EPHB1: variants seen among roughly 807,000 people sequenced by gnomAD.
EPHB1 encodes the protein ephrin type-B receptor 1.
Under a neutral mutation model 94.4 loss-of-function variants are expected in EPHB1, and 30 were observed. The observed-to-expected ratio is 0.32, with a 90% CI of 0.24 to 0.43. EPHB1 has a LOEUF of 0.43. Among genes scored for constraint, EPHB1 ranks in the 20% least tolerant of loss-of-function variants. EPHB1 has a pLI of 1.00. For missense variants in EPHB1, 1,055 were observed against 1,308.3 expected, an observed-to-expected ratio of 0.81 and a Z score of 2.99; for synonymous variants, 522 against 489.1, an observed-to-expected ratio of 1.07 and a Z score of -0.89.
At chr3:135,111,595 A>G (rs1301459451) in intron 4 of EPHB1, among the ~76,000 whole-genome samples, 1 of 152,144 alleles carries the variant, frequency 6.6e-6, no homozygotes, top group Non-Finnish European at 1.5e-5. Flanking sequence ...GTACGAGCGC[A>G]TCTGTGTTTA....
In EPHB1 at chr3:135,106,657, A is replaced by G. The variant is rs370826093; in HGVS notation, c.961+54A>G. 2.6e-5 allele frequency: 41 copies of G among 1,604,326 alleles called. No homozygotes were observed. The highest frequency in any genetic ancestry group is 4.5e-5 in the East Asian group (2 of 44,600). ...GGGAGTTTGGTTCCCTGATGGTGCA[A>G]GTGGTGGGTCTGGGGCAAGGAAGAG... On this transcript the variant is annotated intron_variant, in intron 4 of 15. Coordinates refer to ENST00000398015, the MANE Select transcript of EPHB1 (RefSeq NM_004441.5).
intron 5 of EPHB1, among the ~76,000 whole-genome samples, chr3:135,134,130 A>T (rs2107687984): frequency 6.6e-6 from 1 of 152,366 alleles, no homozygotes; most frequent in South Asian, 2.1e-4. Context: ...AGTGAACATC[A>T]CATGCACAGG....
In EPHB1 at chr3:134,951,218, C is replaced by T. The variant is rs1933015453; in HGVS notation, c.124-153C>T. Among the ~76,000 whole-genome samples, 1 of 152,190 alleles carries T rather than the reference C, an allele frequency of 6.6e-6. No individual in the cohort carries two copies. The highest frequency in any genetic ancestry group is 2.1e-4 in the South Asian group (1 of 4,828). ...ATAAGATCTTTAAAATCAAGTTGCG[C>T]TTAGATGTGTTCATTTCTCAAGTCA... On this transcript the variant is annotated intron_variant, in intron 2 of 15. Coordinates refer to ENST00000398015, the MANE Select transcript of EPHB1 (RefSeq NM_004441.5). This position sits in a 1 kb window ranked among gnomAD's most constrained non-coding sequence, Gnocchi z 4.5.
intron 1 of EPHB1, among the ~76,000 whole-genome samples, chr3:134,916,351 GC>G (rs2038567764): frequency 6.6e-6 from 1 of 152,228 alleles, no homozygotes; most frequent in Admixed American, 6.5e-5. Flanking sequence ...CGCGCTGTGT[GC>G]CTGCACTCCT....
intron 3 of EPHB1, among the ~76,000 whole-genome samples, chr3:135,090,543 A>G (rs1938517823): frequency 6.6e-6 from 1 of 152,212 alleles, no homozygotes; most frequent in South Asian, 2.1e-4. Context: ...TACATCCACT[A>G]TCACTGCAAT....
chr3:135,260,261 C>T lies in EPHB1; in HGVS notation c.*1141C>T, dbSNP rs1933586055. The T allele has an allele frequency of 8.6e-6, 2 of 233,072 alleles. No individual in the cohort carries two copies. Among genetic ancestry groups the T allele is most frequent in the Non-Finnish European group, 8.5e-6 (1 of 117,708 alleles). 14.4% of individuals were successfully genotyped at this position (233,072 alleles called of 1,614,324 possible). Reference sequence around the variant, plus strand: ...GGAGAATTCTTGCTTTACCTATGGACTGGCTTAAGCCGTGTGGCATCCGAG... The same window carrying T: ...GGAGAATTCTTGCTTTACCTATGGATTGGCTTAAGCCGTGTGGCATCCGAG... On this transcript the variant is annotated 3_prime_UTR_variant, in exon 16 of 16. Transcript: ENST00000398015.
rs765829680 is a variant in EPHB1 at position 135,167,038 on chromosome 3, C to T, written c.1759+32C>T. The stretch of plus-strand genomic sequence containing the variant: ...AGAAAGCAGAGACCCGGTGTCTGAC[C>T]CCCACAGGCCACTGAGTCAAGTGGG... On this transcript the variant is annotated intron_variant, in intron 9 of 15. Transcript: ENST00000398015. The T allele has an allele frequency of 1.9e-6, 3 of 1,610,834 alleles. No individual in the cohort carries two copies. The Admixed American group carries it at 5.0e-5, about 27-fold the overall frequency.
intron 1 of EPHB1, among the ~76,000 whole-genome samples, chr3:134,804,582 C>A (rs567341603): frequency 2.0e-5 from 3 of 152,060 alleles, no homozygotes; most frequent in Non-Finnish European, 4.4e-5. Flanking sequence ...CAGGGCACAG[C>A]GCAGGTCTTC....
chr3:135,249,308 GGTC>G, intron 14 of EPHB1, 25 bp from the exon 15 acceptor site: 2 of 1,594,588 alleles, frequency 1.3e-6, no homozygotes, highest in African/African-American at 2.7e-5. Context: ...TGCAATGTGT[GGTC>G]ACCTGCCCAT....
At chr3:135,166,897 G>T in intron 8 of EPHB1, 45 bp from the exon 9 acceptor site, 1 of 1,608,744 alleles carries the variant, frequency 6.2e-7, no homozygotes, top group Non-Finnish European at 8.5e-7. Context: ...GAACAGACTG[G>T]TGGGTGTGCC....
chr3:135,010,581 T>TA (rs1491298366), intron 3 of EPHB1, among the ~76,000 whole-genome samples: 4 of 104,996 alleles, frequency 3.8e-5, no homozygotes, highest in East Asian at 2.2e-4. Flanking sequence ...TTTTTTTTTT[T>TA]ACGCAGAGTT....
chr3:135,222,889 GT>G (rs1044589785), intron 12 of EPHB1, among the ~76,000 whole-genome samples: 1 of 152,146 alleles, frequency 6.6e-6, no homozygotes, highest in African/African-American at 2.4e-5. Flanking sequence ...AGATTGCTGT[GT>G]TTTTTGTTAG....
chr3:135,171,936 C>G (rs1941814139), intron 9 of EPHB1, among the ~76,000 whole-genome samples: 1 of 152,186 alleles, frequency 6.6e-6, no homozygotes, highest in African/African-American at 2.4e-5. Flanking sequence ...GTTTAAAACT[C>G]AGATCTGTCT....
chr3:134,854,741 A>T (rs1470971239), intron 1 of EPHB1, among the ~76,000 whole-genome samples: 1 of 152,208 alleles, frequency 6.6e-6, no homozygotes, highest in Non-Finnish European at 1.5e-5. Flanking sequence ...TGGCTTGGCC[A>T]TAGAAATTCA....
At chr3:134,858,692 T>C (rs1486909034) in intron 1 of EPHB1, among the ~76,000 whole-genome samples, 1 of 152,194 alleles carries the variant, frequency 6.6e-6, no homozygotes, top group Non-Finnish European at 1.5e-5. Context: ...GATAGACCCC[T>C]TGGAGCTGGT....
At chr3:134,977,825 G>C in intron 3 of EPHB1, 1 of 356,584 alleles carries the variant, frequency 2.8e-6, no homozygotes, top group Non-Finnish European at 5.5e-6. Flanking sequence ...CTGACCCCAG[G>C]AGATGTTGGA....
chr3:135,063,661 C>CCA, intron 3 of EPHB1, among the ~76,000 whole-genome samples: 2 of 152,172 alleles, frequency 1.3e-5, no homozygotes, highest in East Asian at 3.9e-4. Context: ...TTTTTCTTTA[C>CCA]CTATTTGGAT....
At chr3:134,987,848 T>C (rs993235546) in intron 3 of EPHB1, among the ~76,000 whole-genome samples, 3 of 152,028 alleles carry the variant, frequency 2.0e-5, no homozygotes, top group African/African-American at 7.2e-5. Context: ...GGACGGAGGC[T>C]TCACCAGAAA....
At chr3:134,989,866 C>G (rs919686911) in intron 3 of EPHB1, among the ~76,000 whole-genome samples, 4 of 152,110 alleles carry the variant, frequency 2.6e-5, no homozygotes, top group African/African-American at 9.7e-5. Flanking sequence ...AGTCACACTT[C>G]GATTTTAAAT....
Sources: allele counts gnomAD v4.1 joint callset (sites outside exome capture counted in the v4.1 genomes callset), GRCh38; gene constraint gnomAD v4.1.1; non-coding constraint Gnocchi (gnomAD v3.1); transcripts MANE v1.5; gene names NCBI Gene and HGNC (gene_info 2026-07-23, HGNC 2026-07-21).